The following CSMD1 variants were observed in gnomAD, a reference collection of about 807,000 sequenced individuals.
CSMD1 encodes the protein CUB and Sushi multiple domains 1, also known as CUB and sushi domain-containing protein 1.
CSMD1 carries 213 observed loss-of-function variants against 417.5 expected under a neutral mutation model. The observed-to-expected ratio is 0.51, with a 90% CI of 0.46 to 0.57. The LOEUF (loss-of-function observed/expected upper bound fraction) is 0.57, where lower values mean the gene tolerates loss of function less well. Among genes scored for constraint, CSMD1 ranks in the 20% least tolerant of loss-of-function variants. The pLI is 0.00. For synonymous variants in CSMD1, 2,862 were observed against 1,736.8 expected (o/e 1.65, Z -16.11); for missense variants, 6,923 against 4,529.7 (o/e 1.53, Z -15.17).
intron 37 of CSMD1, among the ~76,000 whole-genome samples, chr8:3,172,157 G>A (rs143613881): frequency 1.7e-3 from 263 of 152,214 alleles, no homozygotes; most frequent in African/African-American, 6.0e-3. Flanking sequence ...AACGTACTGC[G>A]CACTGTGGCT....
intron 5 of CSMD1, among the ~76,000 whole-genome samples, chr8:3,804,363 C>G (rs1800616281): frequency 6.6e-6 from 1 of 152,040 alleles, no homozygotes; most frequent in South Asian, 2.1e-4. Flanking sequence ...ATCAAAAATA[C>G]CCAGTGTGAA....
intron 23 of CSMD1, among the ~76,000 whole-genome samples, chr8:3,317,666 T>G (rs1229466010): frequency 6.6e-6 from 1 of 152,236 alleles, no homozygotes; most frequent in African/African-American, 2.4e-5. Flanking sequence ...AGCCTACAGT[T>G]ATCTGGTTAA....
chr8:4,043,535 G>C (rs1049888474), intron 3 of CSMD1, among the ~76,000 whole-genome samples: 4 of 152,162 alleles, frequency 2.6e-5, no homozygotes, highest in African/African-American at 9.7e-5. Context: ...GTAAAATAAT[G>C]AGAAAAGACA....
intron 2 of CSMD1, among the ~76,000 whole-genome samples, chr8:4,590,285 G>A (rs987934845): frequency 6.6e-6 from 1 of 152,066 alleles, no homozygotes; most frequent in Non-Finnish European, 1.5e-5. Context: ...GGACAGAAAA[G>A]TTCTGGGAAG....
intron 1 of CSMD1, among the ~76,000 whole-genome samples, chr8:4,683,365 G>A (rs1359254048): frequency 6.6e-6 from 1 of 152,024 alleles, no homozygotes; most frequent in Non-Finnish European, 1.5e-5. Context: ...GGTTCTCCAA[G>A]CCGAAACCCT....
chr8:3,493,481 A>G (rs1230595622), intron 11 of CSMD1, 142 bp downstream of exon 11: 17 of 598,812 alleles, frequency 2.8e-5, no homozygotes. Flanking sequence ...ACAAAATGAG[A>G]TTGCAGGCCA....
At chr8:4,116,740 C>G (rs893941061) in intron 3 of CSMD1, among the ~76,000 whole-genome samples, 6 of 151,922 alleles carry the variant, frequency 3.9e-5, no homozygotes, top group African/African-American at 1.4e-4. Context: ...AAAGGGGCGG[C>G]TACGTGGAGA....
chr8:3,990,454 G>C lies in CSMD1; in HGVS notation c.818+7449C>G, dbSNP rs567166998. ...TTTTCCTATTGGTCCCATCTTTAGA[G>C]ACCAGGGATGTTTTCTTCTTCTCTG... On this transcript the variant is annotated intron_variant, in intron 5 of 69. Transcript: ENST00000635120. Among the ~76,000 whole-genome samples the C allele has an allele frequency of 3.9e-5, 6 of 152,290 alleles. No homozygotes were observed. In the South Asian group the frequency reaches 1.0e-3, roughly 26 times the overall value.
chr8:3,369,862 G>C (rs1282476312), intron 18 of CSMD1, among the ~76,000 whole-genome samples: 2 of 152,206 alleles, frequency 1.3e-5, no homozygotes, highest in African/African-American at 4.8e-5. Context: ...GCTCAACTCT[G>C]ATGTTAGAAA....
intron 50 of CSMD1, among the ~76,000 whole-genome samples, chr8:3,034,087 T>A (rs1810515056): frequency 6.6e-6 from 1 of 152,192 alleles, no homozygotes; most frequent in South Asian, 2.1e-4. Flanking sequence ...TGGGTGGAGC[T>A]CTCTGGACCT....
chr8:3,208,465 C>G (rs183357077), intron 30 of CSMD1, among the ~76,000 whole-genome samples: 1 of 152,142 alleles, frequency 6.6e-6, no homozygotes, highest in South Asian at 2.1e-4. Context: ...TGGGATTTCA[C>G]CATGTTGGCT....
intron 59 of CSMD1, among the ~76,000 whole-genome samples, chr8:2,964,384 G>A (rs568881903): frequency 5.3e-5 from 8 of 152,302 alleles, no homozygotes; most frequent in African/African-American, 1.7e-4. Context: ...GGGGAAATGC[G>A]TGTTCTGGCC....
At chr8:3,990,390 T>C (rs977489518) in intron 5 of CSMD1, among the ~76,000 whole-genome samples, 4 of 152,144 alleles carry the variant, frequency 2.6e-5, no homozygotes, top group Admixed American at 6.5e-5. Flanking sequence ...CTAAGAATGG[T>C]AAGGATGGAG....
At chr8:4,197,715 C>A (rs555023381) in intron 3 of CSMD1, among the ~76,000 whole-genome samples, 5 of 152,212 alleles carry the variant, frequency 3.3e-5, no homozygotes, top group African/African-American at 1.2e-4. Flanking sequence ...TCTGTCTCTA[C>A]TAAAAATACA....
intron 3 of CSMD1, among the ~76,000 whole-genome samples, chr8:4,344,563 T>C (rs780499391): frequency 4.0e-5 from 6 of 150,838 alleles, no homozygotes; most frequent in Middle Eastern, 3.5e-3. Flanking sequence ...TATAAATATA[T>C]ACATATATAA....
chr8:3,956,177 A>G (rs1585030183), intron 5 of CSMD1, among the ~76,000 whole-genome samples: 1 of 152,216 alleles, frequency 6.6e-6, no homozygotes, highest in Non-Finnish European at 1.5e-5. Context: ...AGGTTGTACA[A>G]TTTTGGGGTA....
chr8:3,279,769 G>C (rs1186599627), intron 26 of CSMD1, among the ~76,000 whole-genome samples: 1 of 152,076 alleles, frequency 6.6e-6, no homozygotes. Context: ...TGTTAGAAAG[G>C]AGAAGTGCAA....
chr8:4,033,909 T>G (rs28417797), intron 3 of CSMD1, among the ~76,000 whole-genome samples: 1 of 152,010 alleles, frequency 6.6e-6, no homozygotes, highest in Non-Finnish European at 1.5e-5. Context: ...GGCTATTGTA[T>G]CCATATCTAA....
intron 3 of CSMD1, among the ~76,000 whole-genome samples, chr8:4,358,343 G>T (rs534602167): frequency 2.0e-5 from 3 of 152,182 alleles, no homozygotes; most frequent in African/African-American, 7.2e-5. Flanking sequence ...AGGCCCATGA[G>T]CTTAGAATGA....
Sources: gnomAD v4.1 joint callset for allele counts (sites outside exome capture counted in the v4.1 genomes callset) on GRCh38, gnomAD v4.1.1 for gene constraint, MANE v1.5 for transcripts, NCBI Gene and HGNC (gene_info 2026-07-23, HGNC 2026-07-21) for gene names.